Variants in HSD17B14 observed in about 807,000 individuals in gnomAD.
HSD17B14 encodes L-fucose dehydrogenase.
HSD17B14 carries 32 observed loss-of-function variants against 32.2 expected under a neutral mutation model. The ratio of observed to expected loss-of-function variants is 0.99; its 90% CI spans 0.75 to 1.33. The LOEUF is 1.33. Ranked by LOEUF, HSD17B14 falls within the 40% of genes most tolerant of loss-of-function variation. The pLI, the probability that HSD17B14 is intolerant of heterozygous loss-of-function variation, is 0.00. For missense variants in HSD17B14, 370 were observed against 366.5 expected, an observed-to-expected ratio of 1.01 and a Z score of -0.08; for synonymous variants, 140 against 155.4, an observed-to-expected ratio of 0.90 and a Z score of 0.74.
chr19:48,834,382 G>A (rs771482964), intron 2 of HSD17B14, 24 bp from the exon 3 acceptor site: 35 of 1,534,594 alleles, frequency 2.3e-5, no homozygotes, highest in Non-Finnish European at 3.0e-5. Context: ...AGAGCTGGGA[G>A]CCTGGACCCC....
intron 5 of HSD17B14, among the ~76,000 whole-genome samples, chr19:48,825,977 C>T (rs1429405116): frequency 6.6e-6 from 1 of 151,970 alleles, no homozygotes; most frequent in Non-Finnish European, 1.5e-5. Flanking sequence ...CCCGCCACCG[C>T]GCACAGCTAT....
At position 48,831,662 on chromosome 19, in the gene HSD17B14, C is replaced by T. The variant is rs1339940940; in HGVS notation, c.369+6G>A. Reference sequence around the variant, plus strand: ...CGGGCCTGGCGGCAGGGTCGCCAGCCCTCACCTTGGTCAAGGTGTACGTCC... The same window carrying T: ...CGGGCCTGGCGGCAGGGTCGCCAGCTCTCACCTTGGTCAAGGTGTACGTCC... On this transcript the variant is annotated splice_donor_region_variant and intron_variant, in intron 5 of 8. Coordinates refer to ENST00000263278, the MANE Select transcript of HSD17B14 (RefSeq NM_016246.3). The T allele has an allele frequency of 2.0e-5, 32 of 1,610,894 alleles. No individual in the cohort carries two copies. The highest frequency in any genetic ancestry group is 2.6e-5 in the Non-Finnish European group (31 of 1,177,248).
chr19:48,817,477 C>T (rs182159292), intron 5 of HSD17B14, among the ~76,000 whole-genome samples: 31 of 152,240 alleles, frequency 2.0e-4, no homozygotes, highest in Admixed American at 2.0e-3. Flanking sequence ...CCACGCCTGG[C>T]CCCAAAAAAT....
intron 5 of HSD17B14, among the ~76,000 whole-genome samples, chr19:48,824,559 A>G (rs2035212194): frequency 1.3e-5 from 2 of 151,900 alleles, no homozygotes; most frequent in Middle Eastern, 3.4e-3. Flanking sequence ...TCACGAGGTC[A>G]GGAGATTGAG....
intron 5 of HSD17B14, among the ~76,000 whole-genome samples, chr19:48,824,961 G>A (rs948194765): frequency 6.6e-6 from 1 of 151,932 alleles, no homozygotes; most frequent in Non-Finnish European, 1.5e-5. Context: ...GTATGATCTG[G>A]GCTGGGTGCG....
At chr19:48,834,825 G>A (rs1296711801) in intron 2 of HSD17B14, among the ~76,000 whole-genome samples, 1 of 81,092 alleles carries the variant, frequency 1.2e-5, no homozygotes, top group East Asian at 5.5e-4. Flanking sequence ...GGGGCTGGGG[G>A]CCTGGACTCC....
chr19:48,824,116 A>G (rs1180119802), intron 5 of HSD17B14, among the ~76,000 whole-genome samples: 3 of 147,384 alleles, frequency 2.0e-5, no homozygotes, highest in Non-Finnish European at 4.5e-5. Context: ...TTAGCCGGGC[A>G]TGGTGGTACA....
chr19:48,813,244 A>AC lies in HSD17B14; in HGVS notation c.743dup (p.Ala249CysfsTer55), dbSNP rs758181057. ...CCTTGCACCCGTACCCCAGCTCTGC[A>AC]CCCCCCGTCACGAGCAGTTCAATGC... On this transcript the variant is annotated frameshift_variant, in exon 9 of 9. Coordinates refer to ENST00000263278, the MANE Select transcript of HSD17B14 (RefSeq NM_016246.3). LOFTEE classifies it low-confidence loss of function (END_TRUNC). 227 of 1,608,492 alleles carry AC rather than the reference A, an allele frequency of 1.4e-4. No individual in the cohort carries two copies. Among genetic ancestry groups the AC allele is most frequent in the Non-Finnish European group, 1.8e-4 (217 of 1,177,854 alleles).
At chr19:48,830,063 G>A (rs2035312440) in intron 5 of HSD17B14, among the ~76,000 whole-genome samples, 1 of 152,030 alleles carries the variant, frequency 6.6e-6, no homozygotes, top group African/African-American at 2.4e-5. Flanking sequence ...CCGCCTCCTG[G>A]GCTCAAGCTG....
chr19:48,826,528 A>AATATATATAT (rs1555776984), intron 5 of HSD17B14, among the ~76,000 whole-genome samples: 4,164 of 23,022 alleles, frequency 0.18, 523 homozygotes, highest in East Asian at 0.46. Flanking sequence ...AAAAGAAGAA[A>AATATATATAT]ATATATATAT....
chr19:48,814,241 C>T (rs1378591883), intron 6 of HSD17B14, among the ~76,000 whole-genome samples: 2 of 151,354 alleles, frequency 1.3e-5, no homozygotes, highest in Non-Finnish European at 2.9e-5. Context: ...GAAAGTTAGC[C>T]GGGCACAGTG....
At chr19:48,832,222 T>C (rs2122796724) in intron 4 of HSD17B14, among the ~76,000 whole-genome samples, 1 of 147,432 alleles carries the variant, frequency 6.8e-6, no homozygotes, top group African/African-American at 2.5e-5. Flanking sequence ...CTACTAAAAA[T>C]ATAAAAATTA....
At chr19:48,819,311 C>A (rs1307176243) in intron 5 of HSD17B14, among the ~76,000 whole-genome samples, 1 of 152,104 alleles carries the variant, frequency 6.6e-6, no homozygotes, top group Non-Finnish European at 1.5e-5. Context: ...ACTCCTAATA[C>A]TGGTTCTCCC....
intron 5 of HSD17B14, among the ~76,000 whole-genome samples, chr19:48,824,197 G>A (rs528137305): frequency 2.0e-5 from 3 of 150,736 alleles, no homozygotes; most frequent in African/African-American, 7.3e-5. Flanking sequence ...AGAGGTTGCA[G>A]TGAGCCAAGA....
intron 5 of HSD17B14, among the ~76,000 whole-genome samples, chr19:48,816,326 C>T (rs1333016251): frequency 1.3e-5 from 2 of 152,166 alleles, no homozygotes; most frequent in Non-Finnish European, 2.9e-5. Flanking sequence ...CCCCCACCAA[C>T]TCTTTCAAGC....
chr19:48,821,943 GGTAA>G (rs2035158033), intron 5 of HSD17B14, among the ~76,000 whole-genome samples: 27 of 142,282 alleles, frequency 1.9e-4, no homozygotes. Context: ...ATGGTGACGT[GGTAA>G]TGATGGTTAC....
chr19:48,827,074 G>A (rs636091), intron 5 of HSD17B14, among the ~76,000 whole-genome samples: 11,174 of 149,578 alleles, frequency 0.075, 1,185 homozygotes, highest in African/African-American at 0.23. Flanking sequence ...ATGGAGTCTC[G>A]CTCTGTCGCC....
intron 5 of HSD17B14, 99 bp downstream of exon 5, chr19:48,831,569 A>G (rs2035335662): frequency 1.1e-6 from 1 of 877,274 alleles, no homozygotes; most frequent in Admixed American, 1.7e-5. Flanking sequence ...ACAAACAAAT[A>G]AAAAGAACGG....
At chr19:48,824,429 G>A (rs1489621964) in intron 5 of HSD17B14, among the ~76,000 whole-genome samples, 1 of 140,646 alleles carries the variant, frequency 7.1e-6, no homozygotes, top group Non-Finnish European at 1.5e-5. Context: ...AGGAAAGGAG[G>A]AAAGAAGGAA....
Sources: gnomAD v4.1 joint callset for allele counts (sites outside exome capture counted in the v4.1 genomes callset) on GRCh38, gnomAD v4.1.1 for gene constraint, MANE v1.5 for transcripts, NCBI Gene and HGNC (gene_info 2026-07-23, HGNC 2026-07-21) for gene names.